DNM3: variants seen among roughly 807,000 people sequenced by gnomAD.
DNM3 encodes dynamin 3.
A neutral mutation model predicts 101.6 loss-of-function variants in DNM3; 47 were observed. The ratio of observed to expected loss-of-function variants is 0.46; its 90% CI spans 0.37 to 0.59. The LOEUF is 0.59. Ranked by LOEUF, DNM3 falls within the 20% of genes least tolerant of loss-of-function variation. The probability of loss-of-function intolerance (pLI) is 0.00; values close to 1 mark genes in which losing one functional copy is unlikely to be tolerated. For synonymous variants in DNM3, 385 were observed against 387.9 expected (o/e 0.99, Z 0.09); for missense variants, 849 against 1,085.7 (o/e 0.78, Z 3.06).
intron 4 of DNM3, among the ~76,000 whole-genome samples, chr1:172,020,603 GT>G (rs1280664096): frequency 1.3e-5 from 2 of 151,214 alleles, no homozygotes; most frequent in Non-Finnish European, 2.9e-5. Flanking sequence ...GGCGCCTGTA[GT>G]TCCCAGCTAC....
intron 14 of DNM3, among the ~76,000 whole-genome samples, chr1:172,160,970 T>C (rs2058525620): frequency 6.6e-6 from 1 of 151,912 alleles, no homozygotes; most frequent in South Asian, 2.1e-4. Context: ...TTGACTCAAA[T>C]GTTATGTGTT....
At position 172,124,792 on chromosome 1, in the gene DNM3, C is replaced by T. The variant is rs140036914; in HGVS notation, c.1546-6383C>T. Among the ~76,000 whole-genome samples the T allele has an allele frequency of 4.4e-4, 67 of 152,284 alleles. No individual in the cohort carries two copies. In the East Asian group the frequency reaches 0.011, roughly 25 times the overall value. ...GGTTAATACTAGAACCTATAGAGTGCATTGTGGTATGTACAGACCTCAGCT... is the reference window on the plus strand; with the variant it reads ...GGTTAATACTAGAACCTATAGAGTGTATTGTGGTATGTACAGACCTCAGCT... On this transcript the variant is annotated intron_variant, in intron 13 of 20. Transcript: ENST00000627582.
chr1:172,173,061 G>C (rs1483590214), intron 14 of DNM3, among the ~76,000 whole-genome samples: 1 of 151,820 alleles, frequency 6.6e-6, no homozygotes. Context: ...TATGAGGCTT[G>C]TATTTTAGAG....
intron 2 of DNM3, among the ~76,000 whole-genome samples, chr1:171,981,120 A>T (rs992721049): frequency 1.3e-5 from 2 of 152,180 alleles, no homozygotes; most frequent in Non-Finnish European, 2.9e-5. Context: ...ACAGAAGAGT[A>T]AAATGTATCT....
intron 13 of DNM3, among the ~76,000 whole-genome samples, chr1:172,126,675 A>G (rs1026454748): frequency 4.8e-4 from 73 of 151,960 alleles, no homozygotes; most frequent in African/African-American, 1.6e-3. Flanking sequence ...CATCAGCTTA[A>G]ACTCTGAAAA....
At chr1:171,845,269 G>A (rs1449956755) in intron 1 of DNM3, among the ~76,000 whole-genome samples, 3 of 152,112 alleles carry the variant, frequency 2.0e-5, no homozygotes, top group Non-Finnish European at 4.4e-5. Context: ...TAAGAAGCTG[G>A]CCAGGCACAG....
chr1:172,232,278 A>G (rs2061367463), intron 14 of DNM3, among the ~76,000 whole-genome samples: 1 of 152,194 alleles, frequency 6.6e-6, no homozygotes, highest in Admixed American at 6.5e-5. Flanking sequence ...AACAAAGATC[A>G]AAGAGACAAA....
At chr1:172,348,066 A>G (rs142357366) in intron 17 of DNM3, among the ~76,000 whole-genome samples, 51 of 152,192 alleles carry the variant, frequency 3.4e-4, no homozygotes, top group Middle Eastern at 3.4e-3. Context: ...AGGGAATGAT[A>G]ATTATTCTCA....
At chr1:172,304,991 A>G (rs1345309605) in intron 15 of DNM3, among the ~76,000 whole-genome samples, 3 of 152,344 alleles carry the variant, frequency 2.0e-5, no homozygotes, top group African/African-American at 7.2e-5. Flanking sequence ...GCAAAAGCAA[A>G]CAAATTCAAA....
In DNM3 at chr1:172,408,231, A is replaced by G. The variant is rs1423988828; in HGVS notation, c.*390A>G. ...GTGGGCTTAGACCTAAGCCATACAT[A>G]TTTCTTTTCCCACATTCTGTTTAGG... On this transcript the variant is annotated 3_prime_UTR_variant, in exon 21 of 21. Transcript: ENST00000627582. 8 of 1,003,886 alleles carry G rather than the reference A, an allele frequency of 8.0e-6. No homozygotes were observed. In the African/African-American group the frequency reaches 1.0e-4, roughly 13 times the overall value. 62.2% of individuals were successfully genotyped at this position (1,003,886 alleles called of 1,614,324 possible).
intron 20 of DNM3, among the ~76,000 whole-genome samples, chr1:172,406,480 AC>A (rs1461025205): frequency 6.6e-6 from 1 of 151,922 alleles, no homozygotes; most frequent in Non-Finnish European, 1.5e-5. Context: ...AGTGCTTTGT[AC>A]CTCCCCAAAG....
At chr1:172,320,690 A>G (rs544654355) in intron 16 of DNM3, among the ~76,000 whole-genome samples, 1 of 152,186 alleles carries the variant, frequency 6.6e-6, no homozygotes, top group South Asian at 2.1e-4. Context: ...TGTGAAGGAG[A>G]ATTTCCCATC....
In DNM3 at chr1:172,410,075, C is replaced by T. The variant is rs140829519; in HGVS notation, c.*2234C>T. On this transcript the variant is annotated 3_prime_UTR_variant, in exon 21 of 21. Transcript: ENST00000627582. ...CCCCAATTGTCTACCTTTGTGGGTACATTTTTGTTCTTTACTCCTAAGTTA... is the reference window on the plus strand; with the variant it reads ...CCCCAATTGTCTACCTTTGTGGGTATATTTTTGTTCTTTACTCCTAAGTTA... 196 of 985,348 alleles carry T rather than the reference C, an allele frequency of 2.0e-4. 1 individual carries two copies. The African/African-American group carries it at 3.2e-3, about 16-fold the overall frequency. The allele number at this position is 985,348 out of a possible 1,614,324, so 61.0% of individuals were successfully genotyped here.
At chr1:172,176,123 T>A (rs2059146798) in intron 14 of DNM3, among the ~76,000 whole-genome samples, 1 of 151,762 alleles carries the variant, frequency 6.6e-6, no homozygotes, top group Non-Finnish European at 1.5e-5. Context: ...ATGGAGAGAT[T>A]ATTTTGGATT....
intron 15 of DNM3, among the ~76,000 whole-genome samples, chr1:172,289,124 G>A (rs905665729): frequency 1.3e-5 from 2 of 152,102 alleles, no homozygotes; most frequent in African/African-American, 2.4e-5. Flanking sequence ...GGTGAAGTAA[G>A]CTTGGGAAGT....
chr1:172,362,183 A>G (rs1401593314), intron 17 of DNM3, among the ~76,000 whole-genome samples: 1 of 152,026 alleles, frequency 6.6e-6, no homozygotes, highest in African/African-American at 2.4e-5. Flanking sequence ...ATGATTGAGT[A>G]CCAACTGTGT....
At chr1:172,038,811 T>A (rs1442763315) in intron 7 of DNM3, among the ~76,000 whole-genome samples, 1 of 152,182 alleles carries the variant, frequency 6.6e-6, no homozygotes, top group Non-Finnish European at 1.5e-5. Flanking sequence ...TTTCAGCTGT[T>A]TCTATGGATG....
intron 10 of DNM3, among the ~76,000 whole-genome samples, chr1:172,068,283 G>A (rs1300507855): frequency 1.3e-5 from 2 of 152,092 alleles, no homozygotes; most frequent in African/African-American, 2.4e-5. Context: ...AGCTGAGATT[G>A]CGCCATTGCA....
At chr1:172,268,479 C>T (rs905834625) in intron 15 of DNM3, among the ~76,000 whole-genome samples, 8 of 152,044 alleles carry the variant, frequency 5.3e-5, no homozygotes, top group Non-Finnish European at 1.5e-5. Context: ...GAGTGTCCCT[C>T]TAGTTGTGAA....
Sources: gnomAD v4.1 joint callset for allele counts (sites outside exome capture counted in the v4.1 genomes callset) on GRCh38, gnomAD v4.1.1 for gene constraint, MANE v1.5 for transcripts, NCBI Gene and HGNC (gene_info 2026-07-23, HGNC 2026-07-21) for gene names.